Variants in PCDHA3 observed in about 807,000 individuals in gnomAD.
PCDHA3 encodes protocadherin alpha 3, also known as protocadherin alpha-3.
PCDHA3 carries 41 observed loss-of-function variants against 62.2 expected under a neutral mutation model. The observed-to-expected ratio is 0.66, with a 90% CI of 0.51 to 0.86. The LOEUF is 0.86. Among genes scored for constraint, PCDHA3 ranks in the 40% least tolerant of loss-of-function variants. The pLI is 0.00. For missense variants in PCDHA3, 1,304 were observed against 1,241.2 expected, an observed-to-expected ratio of 1.05 and a Z score of -0.76; for synonymous variants, 640 against 555.4, an observed-to-expected ratio of 1.15 and a Z score of -2.14.
At chr5:140,812,697 G>T (rs1368879557) in intron 1 of PCDHA3, 2 of 152,218 alleles carry the variant, frequency 1.3e-5, no homozygotes, top group African/African-American at 4.8e-5. Flanking sequence ...CCCTGCAAGT[G>T]ATCCTTGTGC....
rs148283153 is a variant in PCDHA3, at chr5:140,857,227, G to C, written c.2394+53636G>C. On this transcript the variant is annotated intron_variant, in intron 1 of 3. Transcript: ENST00000522353. ...CCTGCTCTCTGACGCCTCACGTTCCGTTCAAGCTGGTGTCCACCTACAAGA... is the reference window on the plus strand; with the variant it reads ...CCTGCTCTCTGACGCCTCACGTTCCCTTCAAGCTGGTGTCCACCTACAAGA... 3.1e-6 allele frequency: 5 copies of C among 1,598,446 alleles called. 1 individual carries two copies. Among genetic ancestry groups the C allele is most frequent in the South Asian group, 1.1e-5 (1 of 90,546 alleles).
chr5:140,877,792 CCAAGCCTTCAGCT>C, intron 1 of PCDHA3: 1 of 1,614,004 alleles, frequency 6.2e-7, no homozygotes, highest in East Asian at 2.2e-5. Context: ...GGCCTTCAGC[CCAAGCCTTCAGCT>C]GTCTCGAGAA....
intron 1 of PCDHA3, among the ~76,000 whole-genome samples, chr5:140,944,186 GTTT>G (rs2093621428): frequency 6.6e-6 from 1 of 151,986 alleles, no homozygotes. Flanking sequence ...TTGTTGGTTT[GTTT>G]TGTTTTGTTT....
chr5:140,850,081 A>G, intron 1 of PCDHA3: 1 of 1,596,386 alleles, frequency 6.3e-7, no homozygotes, highest in South Asian at 1.1e-5. Context: ...GAGGAGCTGG[A>G]GCTGCTACAG....
Position 140,801,856 on chromosome 5 carries a change from C to A in PCDHA3, c.659C>A (p.Pro220Gln). The change falls in exon 1 of 4, where the codon CCA becomes CAA. Residue 220 changes from proline (P) to glutamine (Q), a missense_variant. Transcript: ENST00000522353. ...LLITAIDGGKPELTGTTQLKI... is the reference protein window; with the variant it reads ...LLITAIDGGKQELTGTTQLKI... ...ATAACAGCAATTGATGGTGGGAAAC[C>A]AGAGCTCACTGGCACGACTCAACTA... is the stretch of plus-strand genomic sequence containing the variant. 1 of 1,614,008 alleles carries A rather than the reference C, an allele frequency of 6.2e-7. No homozygotes were observed. The highest frequency in any genetic ancestry group is 8.5e-7 in the Non-Finnish European group (1 of 1,180,022).
intron 1 of PCDHA3, among the ~76,000 whole-genome samples, chr5:140,806,566 A>AT (rs1427431538): frequency 5.3e-5 from 8 of 152,202 alleles, no homozygotes; most frequent in African/African-American, 1.9e-4. Context: ...TTCCCTGTCA[A>AT]TAGCTTGTTC....
At chr5:141,003,689 A>G (rs2098134450) in intron 3 of PCDHA3, among the ~76,000 whole-genome samples, 3 of 152,228 alleles carry the variant, frequency 2.0e-5, no homozygotes, top group African/African-American at 7.2e-5. Flanking sequence ...ATTTTAAAAT[A>G]TATCCCTACC....
At position 141,011,407 on chromosome 5, in the gene PCDHA3, G is replaced by A. The variant is rs782613069; in HGVS notation, c.*1470G>A. On this transcript the variant is annotated 3_prime_UTR_variant, in exon 4 of 4. Coordinates refer to ENST00000522353, the MANE Select transcript of PCDHA3 (RefSeq NM_018906.3). ...TGAAATATACTTACTCTGTGCTTGT[G>A]TATGTGAATGTTAATGCAACTATTA... is the stretch of plus-strand genomic sequence containing the variant. The A allele has an allele frequency of 2.0e-5, 3 of 153,718 alleles. No individual in the cohort carries two copies. The highest frequency in any genetic ancestry group is 6.5e-5 in the Admixed American group (1 of 15,284). The allele number at this position is 153,718 out of a possible 1,614,324, so 9.5% of individuals were successfully genotyped here.
At chr5:140,846,239 T>G (rs1183572722) in intron 1 of PCDHA3, among the ~76,000 whole-genome samples, 1 of 149,652 alleles carries the variant, frequency 6.7e-6, no homozygotes, top group Non-Finnish European at 1.5e-5. Flanking sequence ...TAAAAAGAAG[T>G]ATACAATAAT....
intron 1 of PCDHA3, chr5:140,851,060 C>T (rs2041943229): frequency 1.5e-6 from 2 of 1,374,418 alleles, no homozygotes; most frequent in Admixed American, 2.8e-5. Flanking sequence ...GTCTTGACTT[C>T]TAGTGAGAAT....
intron 3 of PCDHA3, among the ~76,000 whole-genome samples, chr5:140,987,487 C>A (rs868928905): frequency 6.6e-6 from 1 of 152,154 alleles, no homozygotes; most frequent in Non-Finnish European, 1.5e-5. Flanking sequence ...GTCAGTGACC[C>A]TTTCTGAATT....
chr5:140,886,159 C>T (rs1006053368), intron 1 of PCDHA3, among the ~76,000 whole-genome samples: 16 of 152,164 alleles, frequency 1.1e-4, no homozygotes, highest in Non-Finnish European at 2.1e-4. Flanking sequence ...TTTTTATAGC[C>T]ACATCTGCTT....
In PCDHA3 at chr5:140,852,643, C is replaced by T. The variant is rs2150521089; in HGVS notation, c.2394+49052C>T. 453 of 958,790 alleles carry T rather than the reference C, an allele frequency of 4.7e-4. 23 individuals carry two copies. The African/African-American group carries it at 7.6e-3, about 16-fold the overall frequency. 59.4% of individuals were successfully genotyped at this position (958,790 alleles called of 1,614,324 possible). ...TGGTCTCTGAGCTCCTGTCATTAAA[C>T]CTATCTATATCTGTCTATCAGCACA... is the stretch of plus-strand genomic sequence containing the variant. On this transcript the variant is annotated intron_variant, in intron 1 of 3. Transcript: ENST00000522353.
At chr5:140,919,552 T>C (rs2079193484) in intron 1 of PCDHA3, among the ~76,000 whole-genome samples, 1 of 152,224 alleles carries the variant, frequency 6.6e-6, no homozygotes, top group South Asian at 2.1e-4. Context: ...ATTTACTGAT[T>C]TATATTAAGT....
chr5:140,870,288 G>A (rs782327278), intron 1 of PCDHA3: 4 of 1,614,090 alleles, frequency 2.5e-6, no homozygotes, highest in Admixed American at 3.3e-5. Flanking sequence ...TTCCCTTCAA[G>A]CTGGTGTCCA....
chr5:140,850,305 A>G lies in PCDHA3; in HGVS notation c.2394+46714A>G, dbSNP rs145743353. ...CGCAGTGGACGCCGACTCGGGCTAC[A>G]ACGCGTGGCTTTCATACGAGCTGCA... On this transcript the variant is annotated intron_variant, in intron 1 of 3. Transcript: ENST00000522353. 1.9e-5 allele frequency: 30 copies of G among 1,596,858 alleles called. 3 individuals carry two copies. Among genetic ancestry groups the G allele is most frequent in the Non-Finnish European group, 2.5e-5 (29 of 1,167,642 alleles).
chr5:140,892,384 A>T (rs1313796499), intron 1 of PCDHA3, among the ~76,000 whole-genome samples: 1 of 152,162 alleles, frequency 6.6e-6, no homozygotes, highest in Non-Finnish European at 1.5e-5. Flanking sequence ...AATCATGGGT[A>T]ATCTTAATCT....
intron 1 of PCDHA3, among the ~76,000 whole-genome samples, chr5:140,962,815 A>C (rs782313534): frequency 3.3e-5 from 5 of 152,242 alleles, no homozygotes; most frequent in Non-Finnish European, 7.3e-5. Flanking sequence ...AACATCAGAG[A>C]TGACCATTTG....
At chr5:140,869,316 T>A in intron 1 of PCDHA3, 1 of 1,613,748 alleles carries the variant, frequency 6.2e-7, no homozygotes, top group Non-Finnish European at 8.5e-7. Context: ...CCAAAACACA[T>A]GGGGACCTTC....
Sources: allele counts gnomAD v4.1 joint callset (sites outside exome capture counted in the v4.1 genomes callset), GRCh38; gene constraint gnomAD v4.1.1; transcripts MANE v1.5; gene names NCBI Gene and HGNC (gene_info 2026-07-23, HGNC 2026-07-21).